Variants in MYT1 observed in about 807,000 individuals in gnomAD.
MYT1 encodes the protein myelin transcription factor I.
MYT1 carries 23 observed loss-of-function variants against 123.0 expected under a neutral mutation model. The observed-to-expected ratio is 0.19, with a 90% CI of 0.13 to 0.26. The LOEUF is 0.26. Ranked by LOEUF, MYT1 falls within the 10% of genes least tolerant of loss-of-function variation. MYT1 has a pLI of 1.00. For missense variants in MYT1, 1,125 were observed against 1,472.5 expected (o/e 0.76, Z 3.86); for synonymous variants, 518 against 575.3 (o/e 0.90, Z 1.43).
chr20:64,169,338 A>G (rs574944963), intron 1 of MYT1, among the ~76,000 whole-genome samples: 2 of 152,314 alleles, frequency 1.3e-5, no homozygotes, highest in East Asian at 3.9e-4. Context: ...CGCGTCCCCA[A>G]TCCCGGTGTG....
intron 12 of MYT1, among the ~76,000 whole-genome samples, chr20:64,219,291 T>C (rs539236871): frequency 6.6e-6 from 1 of 152,366 alleles, no homozygotes; most frequent in East Asian, 1.9e-4. Context: ...TGTTAGGTTG[T>C]GTGCACACCA....
In MYT1 at chr20:64,199,994, C is replaced by G. The variant is rs989636267; in HGVS notation, c.86+72C>G. 1.9e-6 allele frequency: 3 copies of G among 1,567,148 alleles called. No homozygotes were observed. In the African/African-American group the frequency reaches 4.1e-5, roughly 21 times the overall value. On this transcript the variant is annotated intron_variant, in intron 4 of 22. Coordinates refer to ENST00000328439, the MANE Select transcript of MYT1 (RefSeq NM_004535.3). ...GACCCTGGAGATATCCTAAATGTCC[C>G]AAACGGGGTCTTCTTGGATTGACCA...
Position 64,241,966 on chromosome 20 carries a change from A to G in MYT1, c.*1518A>G, listed in dbSNP as rs937570060. 2 of 152,222 alleles carry G rather than the reference A, an allele frequency of 1.3e-5. No homozygotes were observed. Among genetic ancestry groups the G allele is most frequent in the Non-Finnish European group, 2.9e-5 (2 of 68,022 alleles). 9.4% of individuals were successfully genotyped at this position (152,222 alleles called of 1,614,324 possible). A position where few individuals can be genotyped will look rare whatever the true frequency, so the allele number is the denominator to read the frequency against. On this transcript the variant is annotated 3_prime_UTR_variant, in exon 23 of 23. Transcript: ENST00000328439. The surrounding 1 kb of genome is among the most constrained non-coding windows in gnomAD (Gnocchi z 4.2). ...TTGTTTCAGGCACGGATAACAGCAA[A>G]TGGAATTCTGTATTTATTATTATTT...
At chr20:64,240,233 G>C in intron 22 of MYT1, 87 bp from the exon 23 acceptor site, 1 of 1,552,336 alleles carries the variant, frequency 6.4e-7, no homozygotes, top group Non-Finnish European at 8.7e-7. Context: ...GTCACGTGGG[G>C]ACATAGGTTT....
intron 17 of MYT1, 57 bp downstream of exon 17, chr20:64,227,534 C>A: frequency 1.3e-6 from 2 of 1,489,494 alleles, no homozygotes; most frequent in Non-Finnish European, 9.3e-7. Flanking sequence ...GAGTCTCTTC[C>A]TTATATGAAG....
intron 1 of MYT1, among the ~76,000 whole-genome samples, chr20:64,165,979 C>T (rs1434116436): frequency 4.6e-5 from 7 of 152,214 alleles, no homozygotes; most frequent in East Asian, 1.9e-4. Flanking sequence ...TCTGAGGTGC[C>T]AGCAGAGCCT....
chr20:64,236,193 C>T lies in MYT1; in HGVS notation c.2898-362C>T, dbSNP rs35044813. On this transcript the variant is annotated intron_variant, in intron 19 of 22. Coordinates refer to ENST00000328439, the MANE Select transcript of MYT1 (RefSeq NM_004535.3). ...CCGTGGTGGGTGACCCTGGGATGGC[C>T]GTGGTGGGTGACCCTGGGCTGGCTG... Among the ~76,000 whole-genome samples, 77 of 35,872 alleles carry T rather than the reference C, an allele frequency of 2.1e-3. 1 individual carries two copies. Among genetic ancestry groups the T allele is most frequent in the African/African-American group, 9.3e-3 (27 of 2,918 alleles). 23.5% of individuals were successfully genotyped at this position (35,872 alleles called of 152,430 possible).
intron 12 of MYT1, 86 bp downstream of exon 12, chr20:64,219,121 G>A (rs536779720): frequency 3.4e-6 from 5 of 1,477,636 alleles, no homozygotes; most frequent in South Asian, 1.3e-5. Flanking sequence ...TGCACAAAAT[G>A]TCCCTAGGAA....
At chr20:64,170,884 TAGAGAGAGAGAGAGAGAGAGAGAGAGAG>T (rs71197459) in intron 1 of MYT1, among the ~76,000 whole-genome samples, 1 of 20,002 alleles carries the variant, frequency 5.0e-5, no homozygotes, top group Non-Finnish European at 7.9e-5. Context: ...TATATATATA[TAGAGAGAGAGAGAGAGAGAGAGAGAGAG>T]AGAGAGAGAG....
In MYT1 at chr20:64,186,881, G is replaced by A. The variant is rs925552121; in HGVS notation, c.-98-3182G>A. ...GTGGCTCCGGCATCCACGTTTCCGT[G>A]GAGACTTTTCCTGTAGCCCGTGGCC... On this transcript the variant is annotated intron_variant, in intron 1 of 22. Transcript: ENST00000328439. This position sits in a 1 kb window ranked among gnomAD's most constrained non-coding sequence, Gnocchi z 4.3. Among the ~76,000 whole-genome samples the A allele has an allele frequency of 2.0e-5, 3 of 147,372 alleles. No homozygotes were observed. The highest frequency in any genetic ancestry group is 4.4e-5 in the Non-Finnish European group (3 of 67,510).
At chr20:64,237,414 C>A (rs749244937) in intron 21 of MYT1, 24 bp downstream of exon 21, 1 of 1,564,430 alleles carries the variant, frequency 6.4e-7, no homozygotes, top group South Asian at 1.2e-5. Flanking sequence ...CCCCCCGCTC[C>A]TGGGCTCTTT....
At position 64,212,463 on chromosome 20, in the gene MYT1, CTG is replaced by C. The variant is rs1394009276; in HGVS notation, c.1517+326_1517+327del. On this transcript the variant is annotated intron_variant, in intron 9 of 22. Transcript: ENST00000328439. The surrounding 1 kb of genome is among the most constrained non-coding windows in gnomAD (Gnocchi z 6.8). ...GGCCTTTGTGAGGGCAGAGTGGCAA[CTG>C]GAGGTGCAGTCACCCAGTGGTGTTG... is the stretch of plus-strand genomic sequence containing the variant. Among the ~76,000 whole-genome samples, 2 of 152,206 alleles carry C rather than the reference CTG, an allele frequency of 1.3e-5. No individual in the cohort carries two copies. The highest frequency in any genetic ancestry group is 1.3e-4 in the Admixed American group (2 of 15,286).
At position 64,209,044 on chromosome 20, in the gene MYT1, C is replaced by T. The variant is rs184432163; in HGVS notation, c.1291+557C>T. Among the ~76,000 whole-genome samples the T allele has an allele frequency of 1.2e-4, 19 of 152,200 alleles. 1 individual carries two copies. The South Asian group carries it at 2.3e-3, about 18-fold the overall frequency. On this transcript the variant is annotated intron_variant, in intron 7 of 22. Coordinates refer to ENST00000328439, the MANE Select transcript of MYT1 (RefSeq NM_004535.3). Reference sequence around the variant, plus strand: ...ACAGGGGAGCCATCCCCTGATCGCACGGAGTGGCTGATGTTGAGGTGAGGA... The same window carrying T: ...ACAGGGGAGCCATCCCCTGATCGCATGGAGTGGCTGATGTTGAGGTGAGGA...
chr20:64,165,929 G>A (rs918079543), intron 1 of MYT1, among the ~76,000 whole-genome samples: 3 of 152,154 alleles, frequency 2.0e-5, no homozygotes, highest in African/African-American at 7.2e-5. Context: ...ACCTGGGGGG[G>A]CCCACTCGGT....
At chr20:64,179,946 T>TACAC (rs11472594) in intron 1 of MYT1, among the ~76,000 whole-genome samples, 139,089 of 150,280 alleles carry the variant, frequency 0.93, 64,403 homozygotes, top group East Asian at 1. Flanking sequence ...CACACACAGT[T>TACAC]ACACATTTGC....
At position 64,241,678 on chromosome 20, in the gene MYT1, A is replaced by G. The variant is rs1401097228; in HGVS notation, c.*1230A>G. On this transcript the variant is annotated 3_prime_UTR_variant, in exon 23 of 23. Transcript: ENST00000328439. This position sits in a 1 kb window ranked among gnomAD's most constrained non-coding sequence, Gnocchi z 4.2. Reference sequence around the variant, plus strand: ...ACTAGACCCCACACCAGGGCACCCTAAGAGGGGAAAAAAGTGAATTCAAAG... The same window carrying G: ...ACTAGACCCCACACCAGGGCACCCTGAGAGGGGAAAAAAGTGAATTCAAAG... 2.6e-5 allele frequency: 4 copies of G among 152,624 alleles called. No individual in the cohort carries two copies. Among genetic ancestry groups the G allele is most frequent in the Non-Finnish European group, 5.9e-5 (4 of 68,044 alleles). 9.5% of individuals were successfully genotyped at this position (152,624 alleles called of 1,614,324 possible).
chr20:64,223,146 T>G lies in MYT1; in HGVS notation c.2432T>G (p.Ile811Ser). The G allele has an allele frequency of 1.9e-6, 3 of 1,614,214 alleles. No homozygotes were observed. The highest frequency in any genetic ancestry group is 2.5e-6 in the Non-Finnish European group (3 of 1,180,032). ...CCTGGCTGTGACGGCAGCGGCCACATCACCGGGAACTACGCCTCCCACCGC... is the reference window on the plus strand; with the variant it reads ...CCTGGCTGTGACGGCAGCGGCCACAGCACCGGGAACTACGCCTCCCACCGC... The part of the protein sequence containing the change: ...PTPGCDGSGH[I>S]TGNYASHRSL... Residue 811 changes from isoleucine (I) to serine (S), a missense_variant, in exon 15 of 23, where the codon ATC (isoleucine) becomes AGC (serine). Transcript: ENST00000328439.
intron 1 of MYT1, among the ~76,000 whole-genome samples, chr20:64,182,608 A>G (rs1030335029): frequency 6.6e-6 from 1 of 151,794 alleles, no homozygotes; most frequent in Non-Finnish European, 1.5e-5. Flanking sequence ...TCTCACTCTG[A>G]CCTCCGTGGC....
At chr20:64,239,701 G>A in intron 21 of MYT1, 59 bp from the exon 22 acceptor site, 1 of 1,606,184 alleles carries the variant, frequency 6.2e-7, no homozygotes, top group Non-Finnish European at 8.5e-7. Flanking sequence ...GCCCAGAGAG[G>A]ACCCCCAGGA....
Sources: gnomAD v4.1 joint callset for allele counts (sites outside exome capture counted in the v4.1 genomes callset) on GRCh38, gnomAD v4.1.1 for gene constraint, Gnocchi (gnomAD v3.1) non-coding constraint, MANE v1.5 for transcripts, NCBI Gene and HGNC (gene_info 2026-07-23, HGNC 2026-07-21) for gene names.